MRTFB: variants seen among roughly 807,000 people sequenced by gnomAD.
MRTFB encodes the protein myocardin related transcription factor B, also known as myocardin-related transcription factor B.
Under a neutral mutation model 104.2 loss-of-function variants are expected in MRTFB, and 29 were observed. The ratio of observed to expected loss-of-function variants is 0.28; its 90% CI spans 0.21 to 0.38. The LOEUF is 0.38. Ranked by LOEUF, MRTFB falls within the 10% of genes least tolerant of loss-of-function variation. The pLI is 1.00. For synonymous variants in MRTFB, 535 were observed against 519.5 expected (o/e 1.03, Z -0.41); for missense variants, 1,270 against 1,341.6 (o/e 0.95, Z 0.83).
At chr16:14,091,720 C>T (rs748523776) in intron 2 of MRTFB, among the ~76,000 whole-genome samples, 1 of 151,866 alleles carries the variant, frequency 6.6e-6, no homozygotes, top group African/African-American at 2.4e-5. Flanking sequence ...CAAAGCCGGG[C>T]GTGGTGGCTC....
At chr16:14,138,101 T>G (rs572842864) in intron 2 of MRTFB, among the ~76,000 whole-genome samples, 1 of 152,290 alleles carries the variant, frequency 6.6e-6, no homozygotes, top group African/African-American at 2.4e-5. Flanking sequence ...TTACACTGTT[T>G]TCTTATGATG....
At chr16:14,079,836 A>G (rs2034289544) in intron 2 of MRTFB, among the ~76,000 whole-genome samples, 4 of 152,202 alleles carry the variant, frequency 2.6e-5, no homozygotes, top group Admixed American at 2.6e-4. Context: ...TTCTACCACC[A>G]AGAAATGACT....
chr16:14,054,508 T>G, the MRTFB span, among the ~76,000 whole-genome samples: 2 of 152,208 alleles, frequency 1.3e-5, no homozygotes, highest in African/African-American at 4.8e-5. Flanking sequence ...TGAGCCACCA[T>G]GACCGGCCCT....
the MRTFB span, among the ~76,000 whole-genome samples, chr16:14,011,281 T>C: frequency 6.6e-6 from 1 of 152,260 alleles, no homozygotes; most frequent in Admixed American, 6.5e-5. Flanking sequence ...AGAAAGCAGC[T>C]GGTTCTGGTG....
the MRTFB span, among the ~76,000 whole-genome samples, chr16:14,000,535 A>C: frequency 3.3e-5 from 5 of 152,242 alleles, no homozygotes; most frequent in Admixed American, 6.5e-5. Flanking sequence ...CCCAAATCAC[A>C]CAGCTTTTTA....
the MRTFB span, among the ~76,000 whole-genome samples, chr16:14,050,875 C>T: frequency 6.6e-6 from 1 of 152,176 alleles, no homozygotes. Context: ...ACATTCCAGA[C>T]CCAGGGAAAT....
In MRTFB at chr16:14,177,480, C is replaced by A. The variant is rs936219042; in HGVS notation, c.155-32763C>A. On this transcript the variant is annotated intron_variant, in intron 3 of 16. Coordinates refer to ENST00000571589, the MANE Select transcript of MRTFB (RefSeq NM_001308142.2). This position sits in a 1 kb window ranked among gnomAD's most constrained non-coding sequence, Gnocchi z 4.7. ...TTTTAATCTTTGTTTTTTCACCTAG[C>A]AAAAGTGTGTCTTAAACTTAGATGA... is the stretch of plus-strand genomic sequence containing the variant. 2.0e-5 allele frequency among the ~76,000 whole-genome samples: 3 copies of A among 152,062 alleles called. No individual in the cohort carries two copies. Among genetic ancestry groups the A allele is most frequent in the Non-Finnish European group, 2.9e-5 (2 of 68,014 alleles).
In MRTFB at chr16:14,197,254, G is replaced by A. The variant is rs777534159; in HGVS notation, c.155-12989G>A. 5.9e-5 allele frequency among the ~76,000 whole-genome samples: 9 copies of A among 152,222 alleles called. No homozygotes were observed. In the East Asian group the frequency reaches 1.2e-3, roughly 20 times the overall value. ...CTCCCAAAGTGCTGGGATTACAGGC[G>A]TGAGCCATCGTGCCTGGCCAGTGCT... On this transcript the variant is annotated intron_variant, in intron 3 of 16. Coordinates refer to ENST00000571589, the MANE Select transcript of MRTFB (RefSeq NM_001308142.2).
chr16:14,090,090 G>C (rs981675451), intron 2 of MRTFB, among the ~76,000 whole-genome samples: 2 of 151,966 alleles, frequency 1.3e-5, no homozygotes, highest in Non-Finnish European at 1.5e-5. Flanking sequence ...CCCATTTTGT[G>C]ATTGTCTTTT....
intron 15 of MRTFB, among the ~76,000 whole-genome samples, chr16:14,254,267 A>G (rs1236585357): frequency 6.6e-6 from 1 of 152,236 alleles, no homozygotes; most frequent in Non-Finnish European, 1.5e-5. Flanking sequence ...TACCGGTTCA[A>G]TCTTCCCACA....
chr16:14,114,608 A>G (rs1457778520), intron 2 of MRTFB, among the ~76,000 whole-genome samples: 2 of 151,914 alleles, frequency 1.3e-5, no homozygotes, highest in South Asian at 2.1e-4. Flanking sequence ...CTCAATTTCA[A>G]CCATTATTTT....
intron 10 of MRTFB, among the ~76,000 whole-genome samples, 196 bp from the exon 11 acceptor site, chr16:14,245,332 C>T (rs1447553356): frequency 2.6e-5 from 4 of 152,096 alleles, no homozygotes; most frequent in Admixed American, 6.5e-5. Flanking sequence ...TCTAAATTTC[C>T]GTCACGCTAG....
At chr16:14,149,270 G>T (rs1266441650) in intron 3 of MRTFB, 1 of 152,056 alleles carries the variant, frequency 6.6e-6, no homozygotes, top group Non-Finnish European at 1.5e-5. Flanking sequence ...TAATCGTTGG[G>T]TGTCTATTTC....
At chr16:14,011,891 C>A in the MRTFB span, among the ~76,000 whole-genome samples, 1 of 152,138 alleles carries the variant, frequency 6.6e-6, no homozygotes, top group Non-Finnish European at 1.5e-5. Context: ...AATAATAATT[C>A]TTGCAAGGAA....
At chr16:14,228,303 G>A (rs139622337) in intron 8 of MRTFB, among the ~76,000 whole-genome samples, 76 of 152,312 alleles carry the variant, frequency 5.0e-4, no homozygotes, top group South Asian at 3.9e-3. Flanking sequence ...AGGGCTGGGC[G>A]CAGTGGCTTA....
chr16:14,018,299 G>A, the MRTFB span, among the ~76,000 whole-genome samples: 1 of 152,130 alleles, frequency 6.6e-6, no homozygotes, highest in Non-Finnish European at 1.5e-5. Flanking sequence ...TTAGAAAAAA[G>A]GGAATAATAT....
chr16:14,117,825 T>G (rs559708678), intron 2 of MRTFB, among the ~76,000 whole-genome samples: 5 of 152,084 alleles, frequency 3.3e-5, no homozygotes, highest in Non-Finnish European at 5.9e-5. Context: ...TCAGGAAGAC[T>G]AGAAAGGAAA....
At chr16:14,078,143 C>A (rs1178454469) in intron 1 of MRTFB, among the ~76,000 whole-genome samples, 1 of 152,036 alleles carries the variant, frequency 6.6e-6, no homozygotes, top group East Asian at 1.9e-4. Context: ...TGTCCCCCAC[C>A]CAGTCAAAAA....
chr16:14,044,111 C>T, the MRTFB span, among the ~76,000 whole-genome samples: 1 of 152,220 alleles, frequency 6.6e-6, no homozygotes, highest in Admixed American at 6.5e-5. Context: ...CTAAGACTCC[C>T]GTAGTCCCTA....
Sources: gnomAD v4.1 joint callset for allele counts (sites outside exome capture counted in the v4.1 genomes callset) on GRCh38, gnomAD v4.1.1 for gene constraint, Gnocchi (gnomAD v3.1) non-coding constraint, MANE v1.5 for transcripts, NCBI Gene and HGNC (gene_info 2026-07-23, HGNC 2026-07-21) for gene names.